The following ZBTB49 variants were observed in gnomAD, a reference collection of about 807,000 sequenced individuals.
ZBTB49 encodes the protein zinc finger and BTB domain-containing protein 49.
A neutral mutation model predicts 57.5 loss-of-function variants in ZBTB49; 43 were observed. That is an observed-to-expected ratio of 0.75 (90% CI 0.59 to 0.97). The LOEUF is 0.97. Ranked by LOEUF, ZBTB49 falls within the 50% of genes least tolerant of loss-of-function variation. The pLI is 0.00. For missense variants in ZBTB49, 938 were observed against 947.7 expected (o/e 0.99, Z 0.13); for synonymous variants, 369 against 362.1 (o/e 1.02, Z -0.22).
chr4:4,302,099 A>C lies in ZBTB49; in HGVS notation c.263A>C (p.Asp88Ala), dbSNP rs1465730032. 6.2e-7 allele frequency: 1 copy of C among 1,614,188 alleles called. No individual in the cohort carries two copies. The highest frequency in any genetic ancestry group is 2.2e-5 in the East Asian group (1 of 44,888). ...ILDFMYTSHL[D>A]LNQDNIQVML... ...GACTTCATGTACACTTCTCATCTAG[A>C]TCTTAACCAGGACAATATACAAGTA... Residue 88 changes from aspartate (D) to alanine (A), a missense_variant, in exon 3 of 8, where the codon GAT becomes GCT. Around this residue, in one of 3 missense-constraint regions of ZBTB49, gnomAD observed 100 missense variants for 112.5 expected, o/e 0.89. Coordinates refer to ENST00000337872, the MANE Select transcript of ZBTB49 (RefSeq NM_145291.4).
chr4:4,303,009 C>T lies in ZBTB49; in HGVS notation c.1173C>T (p.Ser391=), dbSNP rs1284207920. The T allele has an allele frequency of 6.2e-7, 1 of 1,614,012 alleles. No homozygotes were observed. The highest frequency in any genetic ancestry group is 1.7e-5 in the Admixed American group (1 of 59,984). ...AAGACCAGTCCCAGACACTTCAGTC[C>T]CAGAGACAATACGCGTGTGAATTAT... is the stretch of plus-strand genomic sequence containing the variant. The part of the protein sequence containing the change: ...ALEDQSQTLQ[S]QRQYACELCG... The change falls in exon 3 of 8, where the codon TCC becomes TCT. Residue 391 remains serine (S), a synonymous_variant. Coordinates refer to ENST00000337872, the MANE Select transcript of ZBTB49 (RefSeq NM_145291.4).
intron 1 of ZBTB49, 40 bp downstream of exon 1, chr4:4,290,392 C>T (rs537995026): frequency 6.5e-6 from 1 of 152,734 alleles, no homozygotes; most frequent in East Asian, 1.9e-4. Flanking sequence ...GGGGCTGGCG[C>T]TGGTGGGAAT....
intron 7 of ZBTB49, among the ~76,000 whole-genome samples, chr4:4,318,568 A>C (rs1168329417): frequency 6.6e-6 from 1 of 152,212 alleles, no homozygotes; most frequent in African/African-American, 2.4e-5. Flanking sequence ...AGATCGTGCC[A>C]CTGCATTCCA....
chr4:4,320,227 A>G (rs1170128527), intron 7 of ZBTB49, among the ~76,000 whole-genome samples: 4 of 152,224 alleles, frequency 2.6e-5, no homozygotes, highest in Non-Finnish European at 5.9e-5. Context: ...AGACTCAGTG[A>G]GAATCGAAGG....
chr4:4,304,044 T>G (rs1290313108), intron 3 of ZBTB49, among the ~76,000 whole-genome samples: 1 of 152,146 alleles, frequency 6.6e-6, no homozygotes, highest in Non-Finnish European at 1.5e-5. Flanking sequence ...TTGGGAGATT[T>G]CTTTGATAAT....
Position 4,313,226 on chromosome 4 carries a change from A to T in ZBTB49, c.1376+112A>T, listed in dbSNP as rs4974729. 31,536 of 1,138,472 alleles carry T rather than the reference A, an allele frequency of 0.028. 3,546 individuals carry two copies. The East Asian group carries it at 0.34, about 12-fold the overall frequency. The allele number at this position is 1,138,472 out of a possible 1,614,324, so 70.5% of individuals were successfully genotyped here. A position where few individuals can be genotyped will look rare whatever the true frequency, so the allele number is the denominator to read the frequency against. Reference sequence around the variant, plus strand: ...TCACAGATGAGCCACAGGTGGGCTCACCCTGCCACTGCAGAACACAGGTAA... The same window carrying T: ...TCACAGATGAGCCACAGGTGGGCTCTCCCTGCCACTGCAGAACACAGGTAA... On this transcript the variant is annotated intron_variant, in intron 5 of 7. Transcript: ENST00000337872.
chr4:4,313,802 A>G (rs1019725462), intron 5 of ZBTB49, among the ~76,000 whole-genome samples: 1 of 152,234 alleles, frequency 6.6e-6, no homozygotes, highest in East Asian at 1.9e-4. Context: ...TGCCAGGACA[A>G]CAGGCATCAG....
chr4:4,308,662 A>G (rs991497362), intron 4 of ZBTB49, among the ~76,000 whole-genome samples: 4 of 152,226 alleles, frequency 2.6e-5, no homozygotes, highest in African/African-American at 7.2e-5. Context: ...TTGCAAGCCT[A>G]CAGTGTCCAT....
At chr4:4,317,876 C>G (rs756451282) in intron 7 of ZBTB49, among the ~76,000 whole-genome samples, 39 of 152,208 alleles carry the variant, frequency 2.6e-4, no homozygotes, top group Non-Finnish European at 5.6e-4. Flanking sequence ...CATTTCCGTT[C>G]AGCTGGCGTC....
intron 1 of ZBTB49, among the ~76,000 whole-genome samples, chr4:4,298,732 G>A (rs1234677048): frequency 1.3e-5 from 2 of 152,112 alleles, no homozygotes; most frequent in Non-Finnish European, 2.9e-5. Flanking sequence ...GCCTAGTGCA[G>A]ACTGCCTAAC....
chr4:4,312,914 A>G (rs945579683), intron 4 of ZBTB49, 127 bp from the exon 5 acceptor site: 7 of 1,021,106 alleles, frequency 6.9e-6, no homozygotes, highest in Non-Finnish European at 1.0e-5. Flanking sequence ...AGTTGTGTGT[A>G]GCTCATCTTC....
In ZBTB49 at chr4:4,302,361, G is replaced by T; in HGVS notation, c.525G>T (p.Pro175=). 1.2e-6 allele frequency: 2 copies of T among 1,614,184 alleles called. No homozygotes were observed. Among genetic ancestry groups the T allele is most frequent in the Middle Eastern group, 1.6e-4 (1 of 6,062 alleles). The change falls in exon 3 of 8, where the codon CCG becomes CCT. Residue 175 remains proline, a synonymous_variant. Coordinates refer to ENST00000337872, the MANE Select transcript of ZBTB49 (RefSeq NM_145291.4). ...ACAAAACGTTGGATGAATCGCATCC[G>T]CATGCTTCACCATCAGTTAATCGTC... ...QQNKTLDESH[P]HASPSVNRHH... is the part of the protein sequence containing the mutation.
chr4:4,295,059 G>GT (rs1190915628), intron 1 of ZBTB49, among the ~76,000 whole-genome samples: 2 of 152,064 alleles, frequency 1.3e-5, no homozygotes, highest in Non-Finnish European at 2.9e-5. Flanking sequence ...TATCTTAATT[G>GT]TTTCTCTTGT....
Position 4,315,922 on chromosome 4 carries a change from C to G in ZBTB49, c.1573C>G (p.His525Asp). The G allele has an allele frequency of 6.2e-7, 1 of 1,614,138 alleles. No individual in the cohort carries two copies. Among genetic ancestry groups the G allele is most frequent in the Non-Finnish European group, 8.5e-7 (1 of 1,180,032 alleles). Residue 525 changes from histidine to aspartate, a missense_variant, in exon 7 of 8, where the codon CAC becomes GAC. By Grantham distance (81) the His-to-Asp change is moderately conservative. Transcript: ENST00000337872. ...TAATATGCAAAGGAAGTTAGTAAAG[C>G]ACAGAATTCGGCACACGGGGGAGCG... ...SFNMQRKLVK[H>D]RIRHTGERPY...
intron 5 of ZBTB49, among the ~76,000 whole-genome samples, chr4:4,314,375 T>G (rs1015072867): frequency 3.3e-5 from 5 of 152,208 alleles, no homozygotes; most frequent in African/African-American, 4.8e-5. Context: ...TATTTTTTAT[T>G]TATTTATTTT....
At chr4:4,301,718 A>T (rs1720480364) in intron 2 of ZBTB49, among the ~76,000 whole-genome samples, 1 of 152,072 alleles carries the variant, frequency 6.6e-6, no homozygotes, top group African/African-American at 2.4e-5. Context: ...AAATGTATGT[A>T]ATTTTTTATT....
intron 1 of ZBTB49, among the ~76,000 whole-genome samples, chr4:4,294,493 A>G (rs2108866361): frequency 6.6e-6 from 1 of 152,260 alleles, no homozygotes; most frequent in African/African-American, 2.4e-5. Flanking sequence ...AGTAGCTGGT[A>G]TTATAGGCAT....
At chr4:4,292,646 G>A (rs1720001588) in intron 1 of ZBTB49, among the ~76,000 whole-genome samples, 3 of 152,204 alleles carry the variant, frequency 2.0e-5, no homozygotes, top group Admixed American at 1.3e-4. Context: ...TATGAGTAGG[G>A]TGGAGGTGAG....
At chr4:4,295,526 T>A (rs1374312400) in intron 1 of ZBTB49, among the ~76,000 whole-genome samples, 1 of 152,182 alleles carries the variant, frequency 6.6e-6, no homozygotes, top group Non-Finnish European at 1.5e-5. Context: ...AGTCAGTAAA[T>A]GATAGTTTAA....
Sources: gnomAD v4.1 joint callset for allele counts (sites outside exome capture counted in the v4.1 genomes callset) on GRCh38, gnomAD v4.1.1 for gene constraint, gnomAD v4.1.1 regional missense constraint, MANE v1.5 for transcripts, NCBI Gene and HGNC (gene_info 2026-07-23, HGNC 2026-07-21) for gene names.